The following AFG3L2 variants were observed in gnomAD, a reference collection of about 807,000 sequenced individuals.
AFG3L2 encodes the protein mitochondrial inner membrane m-AAA protease component AFG3L2.
AFG3L2 carries 54 observed loss-of-function variants against 94.5 expected under a neutral mutation model. The ratio of observed to expected loss-of-function variants is 0.57; its 90% CI spans 0.46 to 0.72. AFG3L2 has a LOEUF of 0.72. AFG3L2 is among the 30% of genes least tolerant of loss of function. The pLI, the probability that AFG3L2 is intolerant of heterozygous loss-of-function variation, is 0.00. For synonymous variants in AFG3L2, 377 were observed against 365.5 expected, an observed-to-expected ratio of 1.03 and a Z score of -0.36; for missense variants, 754 against 994.9, an observed-to-expected ratio of 0.76 and a Z score of 3.26.
rs1908605056 is a variant in AFG3L2 at position 12,359,853 on chromosome 18, G to A, written c.752+74C>T. On this transcript the variant is annotated intron_variant, in intron 7 of 16. Transcript: ENST00000269143. Reference sequence around the variant, plus strand: ...GTTTGAGAATATAATGTATAGCCCTGCACCCAGGGACAGAACACAGTGAAC... The same window carrying A: ...GTTTGAGAATATAATGTATAGCCCTACACCCAGGGACAGAACACAGTGAAC... 28 of 1,585,248 alleles carry A rather than the reference G, an allele frequency of 1.8e-5. No homozygotes were observed. In the Admixed American group the frequency reaches 4.3e-4, roughly 25 times the overall value.
chr18:12,357,762 T>C (rs949042344), intron 8 of AFG3L2, among the ~76,000 whole-genome samples: 1 of 152,144 alleles, frequency 6.6e-6, no homozygotes, highest in Non-Finnish European at 1.5e-5. Flanking sequence ...CATGCCCAGC[T>C]AATTTTTTGT....
intron 5 of AFG3L2, among the ~76,000 whole-genome samples, chr18:12,365,871 CTTTTTTT>C (rs576247423): frequency 8.8e-6 from 1 of 113,836 alleles, no homozygotes. Flanking sequence ...TGCATCAATT[CTTTTTTT>C]TTTTTTTTTT....
intron 3 of AFG3L2, 58 bp downstream of exon 3, chr18:12,370,791 C>T (rs1477855296): frequency 5.3e-6 from 6 of 1,141,374 alleles, no homozygotes; most frequent in Non-Finnish European, 2.6e-6. Flanking sequence ...GTGGAAACTA[C>T]CACCATTATA....
chr18:12,374,288 T>C (rs1468308831), intron 1 of AFG3L2, among the ~76,000 whole-genome samples: 2 of 152,232 alleles, frequency 1.3e-5, no homozygotes, highest in Non-Finnish European at 2.9e-5. Context: ...GCACCGCATT[T>C]TGGAGAATTA....
chr18:12,375,055 CAAAAAAAAAAA>C (rs201750735), intron 1 of AFG3L2, among the ~76,000 whole-genome samples: 2 of 100,858 alleles, frequency 2.0e-5, no homozygotes, highest in South Asian at 6.9e-4. Context: ...GACCCTGTCT[CAAAAAAAAAAA>C]AAAAAGAAAA....
intron 10 of AFG3L2, 82 bp downstream of exon 10, chr18:12,352,923 C>CA: frequency 6.3e-7 from 1 of 1,588,432 alleles, no homozygotes; most frequent in African/African-American, 1.3e-5. Context: ...CCACTCACTT[C>CA]AGCCTGGACG....
chr18:12,377,009 G>T lies in AFG3L2; in HGVS notation c.74C>A (p.Pro25His). 1 of 1,461,852 alleles carries T rather than the reference G, an allele frequency of 6.8e-7. No individual in the cohort carries two copies. Among genetic ancestry groups the T allele is most frequent in the South Asian group, 1.3e-5 (1 of 76,460 alleles). 90.6% of individuals were successfully genotyped at this position (1,461,852 alleles called of 1,614,324 possible). A position where few individuals can be genotyped will look rare whatever the true frequency, so the allele number is the denominator to read the frequency against. ...CTGCTCGCCCGGGCCCACGCCGCCA[G>T]GCACGAGGAGCTGCTGTAGGCCGCG... ...WPRGLQQLLV[P>H]GGVGPGEQPC... The change falls in exon 1 of 17, where the codon CCT becomes CAT. Residue 25 changes from proline (P) to histidine (H), a missense_variant. Around this residue, in one of 4 missense-constraint regions of AFG3L2, gnomAD observed 236 missense variants for 214.0 expected, o/e 1.10. Transcript: ENST00000269143.
chr18:12,368,150 A>G (rs1276411676), intron 3 of AFG3L2, among the ~76,000 whole-genome samples: 1 of 149,824 alleles, frequency 6.7e-6, no homozygotes, highest in East Asian at 2.0e-4. Context: ...CTGGGCAACA[A>G]GCGTGAAACT....
At chr18:12,362,706 T>C (rs1908696728) in intron 6 of AFG3L2, among the ~76,000 whole-genome samples, 1 of 152,154 alleles carries the variant, frequency 6.6e-6, no homozygotes, top group African/African-American at 2.4e-5. Context: ...GAACAAGGAT[T>C]CCCTGTTAAC....
chr18:12,372,918 G>A (rs1387777210), intron 1 of AFG3L2, among the ~76,000 whole-genome samples: 1 of 152,162 alleles, frequency 6.6e-6, no homozygotes, highest in Admixed American at 6.5e-5. Context: ...AATGGTCGCA[G>A]GGCTTCTTTC....
At chr18:12,344,713 A>G (rs1908076576) in intron 13 of AFG3L2, among the ~76,000 whole-genome samples, 2 of 152,168 alleles carry the variant, frequency 1.3e-5, no homozygotes, top group South Asian at 4.1e-4. Flanking sequence ...AATTTTTTTA[A>G]AAAATTAAAT....
intron 13 of AFG3L2, 200 bp from the exon 14 acceptor site, chr18:12,344,447 G>A (rs561061094): frequency 9.0e-6 from 5 of 554,992 alleles, no homozygotes; most frequent in Admixed American, 2.5e-5. Flanking sequence ...GGCTGAGGTG[G>A]TCCAATCACT....
In AFG3L2 at chr18:12,371,627, G is replaced by A. The variant is rs757484600; in HGVS notation, c.179C>T (p.Ala60Val). ...TCGAGAACAGAATCTTTGATAAGCA[G>A]CAATTATATCTGTCAAAAGAGAATT... ...SRNSLLTDIIAAYQRFCSRPP... is the reference protein window; with the variant it reads ...SRNSLLTDIIVAYQRFCSRPP... The change falls in exon 2 of 17, where the codon GCT (alanine) becomes GTT (valine). Residue 60 changes from alanine to valine, a missense_variant. Physicochemically the swap from Ala to Val is moderately conservative, Grantham distance 64 (BLOSUM62 0). Around this residue, in one of 4 missense-constraint regions of AFG3L2, gnomAD observed 236 missense variants for 214.0 expected, o/e 1.10. Coordinates refer to ENST00000269143, the MANE Select transcript of AFG3L2 (RefSeq NM_006796.3). The A allele has an allele frequency of 2.5e-6, 4 of 1,614,058 alleles. No individual in the cohort carries two copies. The highest frequency in any genetic ancestry group is 1.1e-5 in the South Asian group (1 of 91,086).
At chr18:12,339,328 G>A (rs1057503854) in intron 15 of AFG3L2, among the ~76,000 whole-genome samples, 9 of 150,886 alleles carry the variant, frequency 6.0e-5, no homozygotes, top group African/African-American at 1.9e-4. Flanking sequence ...CGAGGCGGGC[G>A]GATCACCTGA....
At chr18:12,349,854 G>A (rs1908258110) in intron 12 of AFG3L2, among the ~76,000 whole-genome samples, 1 of 151,996 alleles carries the variant, frequency 6.6e-6, no homozygotes, top group Non-Finnish European at 1.5e-5. Flanking sequence ...TAGAGACAGG[G>A]TTTCGCCTCA....
chr18:12,351,068 C>T lies in AFG3L2; in HGVS notation c.1552+17G>A, dbSNP rs770874216. ...TTAATATGCTTCTAAATAGGGTCCT[C>T]GTTATTTTCCACTCACCTGAAAACC... On this transcript the variant is annotated intron_variant, in intron 12 of 16. Transcript: ENST00000269143. 5 of 1,612,250 alleles carry T rather than the reference C, an allele frequency of 3.1e-6. No individual in the cohort carries two copies. In the East Asian group the frequency reaches 6.7e-5, roughly 22 times the overall value.
chr18:12,365,005 C>T (rs1269976638), intron 5 of AFG3L2, among the ~76,000 whole-genome samples: 1 of 152,188 alleles, frequency 6.6e-6, no homozygotes, highest in East Asian at 1.9e-4. Flanking sequence ...TAAAACACCA[C>T]ATCCCAAGGA....
intron 9 of AFG3L2, among the ~76,000 whole-genome samples, chr18:12,354,292 T>C (rs1908422607): frequency 6.6e-6 from 1 of 152,088 alleles, no homozygotes; most frequent in African/African-American, 2.4e-5. Context: ...GACCCACACC[T>C]TCATAGTACA....
In AFG3L2 at chr18:12,340,135, T is replaced by C. The variant is rs78854973; in HGVS notation, c.1980+66A>G. 70 of 1,427,708 alleles carry C rather than the reference T, an allele frequency of 4.9e-5. 1 individual carries two copies. Among genetic ancestry groups the C allele is most frequent in the Middle Eastern group, 1.7e-4 (1 of 5,728 alleles). 88.4% of individuals were successfully genotyped at this position (1,427,708 alleles called of 1,614,324 possible). Reference sequence around the variant, plus strand: ...AACTATATTGTTTCAGAGCCATTCATAGAATGTCAATTTCTCGTGCAAATA... The same window carrying C: ...AACTATATTGTTTCAGAGCCATTCACAGAATGTCAATTTCTCGTGCAAATA... On this transcript the variant is annotated intron_variant, in intron 15 of 16. Coordinates refer to ENST00000269143, the MANE Select transcript of AFG3L2 (RefSeq NM_006796.3).
Sources: gnomAD v4.1 joint callset for allele counts (sites outside exome capture counted in the v4.1 genomes callset) on GRCh38, gnomAD v4.1.1 for gene constraint, gnomAD v4.1.1 regional missense constraint, MANE v1.5 for transcripts, NCBI Gene and HGNC (gene_info 2026-07-23, HGNC 2026-07-21) for gene names.